Variants in TACR1 observed in about 807,000 individuals in gnomAD.
TACR1 encodes the protein substance-P receptor.
Under a neutral mutation model 35.8 loss-of-function variants are expected in TACR1, and 25 were observed. The observed-to-expected ratio is 0.70, with a 90% CI of 0.51 to 0.98. The LOEUF (loss-of-function observed/expected upper bound fraction) is 0.98, where lower values mean the gene tolerates loss of function less well. TACR1 is among the 50% of genes least tolerant of loss of function. TACR1 has a pLI of 0.00. For missense variants in TACR1, 478 were observed against 522.9 expected, an observed-to-expected ratio of 0.91 and a Z score of 0.84; for synonymous variants, 195 against 206.7, an observed-to-expected ratio of 0.94 and a Z score of 0.48.
chr2:75,055,080 A>G (rs1672543875), intron 2 of TACR1, among the ~76,000 whole-genome samples: 1 of 152,186 alleles, frequency 6.6e-6, no homozygotes, highest in African/African-American at 2.4e-5. Flanking sequence ...TTGTCAATGG[A>G]GAAAAGCCAC....
intron 2 of TACR1, among the ~76,000 whole-genome samples, chr2:75,058,927 A>G (rs1013534786): frequency 6.6e-6 from 1 of 152,230 alleles, no homozygotes; most frequent in East Asian, 1.9e-4. Flanking sequence ...GGCTAATTAA[A>G]TAATAACTAG....
chr2:75,135,402 A>G (rs1674258691), intron 1 of TACR1, among the ~76,000 whole-genome samples: 1 of 152,220 alleles, frequency 6.6e-6, no homozygotes, highest in Admixed American at 6.5e-5. Flanking sequence ...TCCCCTTGCT[A>G]TCTTTGTAAC....
chr2:75,053,488 C>T (rs1211658472), intron 3 of TACR1, 117 bp downstream of exon 3: 2 of 1,304,420 alleles, frequency 1.5e-6, no homozygotes, highest in East Asian at 2.7e-5. Context: ...CTCTGTTGCT[C>T]CCCATACCTG....
Position 75,048,494 on chromosome 2 carries a change from C to A in TACR1, c.*938G>T, listed in dbSNP as rs1672401107. The A allele has an allele frequency of 6.6e-6, 1 of 152,162 alleles. No homozygotes were observed. Among genetic ancestry groups the A allele is most frequent in the Non-Finnish European group, 1.5e-5 (1 of 68,038 alleles). The allele number at this position is 152,162 out of a possible 1,614,324, so 9.4% of individuals were successfully genotyped here. A position where few individuals can be genotyped will look rare whatever the true frequency, so the allele number is the denominator to read the frequency against. ...GTCTGAGATGGATAGTTACAGATGGCCTTAGCAGTTGCTACATCTCCAGGA... is the reference window on the plus strand; with the variant it reads ...GTCTGAGATGGATAGTTACAGATGGACTTAGCAGTTGCTACATCTCCAGGA... On this transcript the variant is annotated 3_prime_UTR_variant, in exon 5 of 5. Transcript: ENST00000305249.
At chr2:75,051,159 G>T in intron 4 of TACR1, 92 bp downstream of exon 4, 1 of 1,526,458 alleles carries the variant, frequency 6.6e-7, no homozygotes, top group Non-Finnish European at 9.0e-7. Context: ...TTGTCTCACA[G>T]CTGGGTTTAC....
intron 2 of TACR1, among the ~76,000 whole-genome samples, chr2:75,084,570 G>A (rs927415975): frequency 6.6e-6 from 1 of 152,134 alleles, no homozygotes; most frequent in East Asian, 1.9e-4. Context: ...ACTTTTTTTG[G>A]TTGGTAAGCT....
chr2:75,165,332 C>T (rs1675112098), intron 1 of TACR1, among the ~76,000 whole-genome samples: 1 of 151,964 alleles, frequency 6.6e-6, no homozygotes, highest in Non-Finnish European at 1.5e-5. Context: ...TTTTTTGAGA[C>T]AGAGTCTCGC....
rs192470290 is a variant in TACR1, at chr2:75,171,939, C to T, written c.389+26607G>A. 2.1e-3 allele frequency among the ~76,000 whole-genome samples: 320 copies of T among 151,896 alleles called. 1 individual carries two copies. The highest frequency in any genetic ancestry group is 3.4e-3 in the Middle Eastern group (1 of 294). On this transcript the variant is annotated intron_variant, in intron 1 of 4. Transcript: ENST00000305249. ...TTTTTTGAGCTAATGTTGAAGTGAG[C>T]GAAGACTTTGGGGGAATATTGGGAA...
At chr2:75,153,236 C>G (rs761959923) in intron 1 of TACR1, among the ~76,000 whole-genome samples, 6 of 152,128 alleles carry the variant, frequency 3.9e-5, no homozygotes, top group South Asian at 2.1e-4. Flanking sequence ...GGCAAAAGCT[C>G]AGCAGAGGGC....
intron 2 of TACR1, among the ~76,000 whole-genome samples, chr2:75,110,567 T>C (rs1365267228): frequency 3.3e-5 from 5 of 152,008 alleles, no homozygotes. Context: ...CAAGGGGCAC[T>C]AACTGCACAT....
intron 1 of TACR1, among the ~76,000 whole-genome samples, chr2:75,191,903 A>T (rs1675856262): frequency 6.6e-6 from 1 of 152,160 alleles, no homozygotes; most frequent in Non-Finnish European, 1.5e-5. Flanking sequence ...AAACAAAATA[A>T]GGGATCCCTG....
chr2:75,058,133 T>A (rs775606537), intron 2 of TACR1, among the ~76,000 whole-genome samples: 13 of 152,186 alleles, frequency 8.5e-5, no homozygotes, highest in Non-Finnish European at 1.6e-4. Context: ...AAATTACAAA[T>A]GCTCAATCCA....
intron 2 of TACR1, among the ~76,000 whole-genome samples, chr2:75,084,750 A>G (rs1397880547): frequency 6.6e-6 from 1 of 152,068 alleles, no homozygotes; most frequent in East Asian, 1.9e-4. Flanking sequence ...GGTAGTTTGT[A>G]TTTCTGTGGG....
Position 75,120,780 on chromosome 2 carries a change from A to T in TACR1, c.390-12T>A. Reference sequence around the variant, plus strand: ...TGATGGCCATGTACCTGGAACAGAGAAGAAAGAACAAAGTTCTGATCTGGT... The same window carrying T: ...TGATGGCCATGTACCTGGAACAGAGTAGAAAGAACAAAGTTCTGATCTGGT... On this transcript the variant is annotated splice_polypyrimidine_tract_variant and intron_variant, in intron 1 of 4. Transcript: ENST00000305249. 6.3e-7 allele frequency: 1 copy of T among 1,587,712 alleles called. No homozygotes were observed. Among genetic ancestry groups the T allele is most frequent in the Non-Finnish European group, 8.6e-7 (1 of 1,166,612 alleles).
intron 1 of TACR1, among the ~76,000 whole-genome samples, chr2:75,195,490 T>A (rs904910266): frequency 6.6e-6 from 1 of 152,050 alleles, no homozygotes; most frequent in Non-Finnish European, 1.5e-5. Flanking sequence ...TACTGCAATC[T>A]GCAACTGAAG....
At chr2:75,156,347 G>T (rs1019397179) in intron 1 of TACR1, 1 of 151,916 alleles carries the variant, frequency 6.6e-6, no homozygotes, top group Non-Finnish European at 1.5e-5. Context: ...CGGGCGCGGT[G>T]GCTCATGCCT....
At chr2:75,153,923 G>A (rs1012201228) in intron 1 of TACR1, among the ~76,000 whole-genome samples, 4 of 152,138 alleles carry the variant, frequency 2.6e-5, no homozygotes, top group African/African-American at 9.7e-5. Context: ...ACTGATGGTG[G>A]GCAGCACTAT....
At chr2:75,151,356 C>G (rs1674666384) in intron 1 of TACR1, among the ~76,000 whole-genome samples, 1 of 152,208 alleles carries the variant, frequency 6.6e-6, no homozygotes, top group Non-Finnish European at 1.5e-5. Context: ...CCCAGGGTCC[C>G]TGTGCTGTGT....
Position 75,047,160 on chromosome 2 carries a change from A to G in TACR1, c.*2272T>C, listed in dbSNP as rs572923041. ...CTATGCACAGAGATGATACTGTTCA[A>G]CCAAATTCCTTTAGGTCCCCTGGAC... is the stretch of plus-strand genomic sequence containing the variant. On this transcript the variant is annotated 3_prime_UTR_variant, in exon 5 of 5. Transcript: ENST00000305249. The G allele has an allele frequency of 1.1e-4, 16 of 152,342 alleles. No individual in the cohort carries two copies. The highest frequency in any genetic ancestry group is 3.9e-4 in the Admixed American group (6 of 15,306). The allele number at this position is 152,342 out of a possible 1,614,324, so 9.4% of individuals were successfully genotyped here.
Sources: allele counts gnomAD v4.1 joint callset (sites outside exome capture counted in the v4.1 genomes callset), GRCh38; gene constraint gnomAD v4.1.1; transcripts MANE v1.5; gene names NCBI Gene and HGNC (gene_info 2026-07-23, HGNC 2026-07-21).